The following ARHGEF3 variants were observed in gnomAD, a reference collection of about 807,000 sequenced individuals.
ARHGEF3 encodes 59.8 kDA protein.
A neutral mutation model predicts 63.2 loss-of-function variants in ARHGEF3; 28 were observed. That is an observed-to-expected ratio of 0.44 (90% confidence interval 0.33 to 0.61). ARHGEF3 has a LOEUF of 0.61. Ranked by LOEUF, ARHGEF3 falls within the 20% of genes least tolerant of loss-of-function variation. The probability of loss-of-function intolerance (pLI) is 0.03; values close to 1 mark genes in which losing one functional copy is unlikely to be tolerated. For missense variants in ARHGEF3, 533 were observed against 659.3 expected (o/e 0.81, Z 2.10); for synonymous variants, 266 against 254.2 (o/e 1.05, Z -0.44).
chr3:57,016,288 A>T (rs1702997403), intron 2 of ARHGEF3, among the ~76,000 whole-genome samples: 1 of 152,014 alleles, frequency 6.6e-6, no homozygotes, highest in Non-Finnish European at 1.5e-5. Flanking sequence ...CAGGCGCAGT[A>T]ATCCCAGCAC....
chr3:56,878,205 C>A (rs983860317), intron 4 of ARHGEF3, among the ~76,000 whole-genome samples: 1 of 152,158 alleles, frequency 6.6e-6, no homozygotes, highest in Non-Finnish European at 1.5e-5. Context: ...TGAGCTACAG[C>A]GTCTCTCGCC....
intron 3 of ARHGEF3, among the ~76,000 whole-genome samples, chr3:56,950,338 T>C (rs898532994): frequency 6.6e-5 from 10 of 151,994 alleles, no homozygotes; most frequent in African/African-American, 9.7e-5. Flanking sequence ...TCAGAGTGAA[T>C]AGGCAACCTA....
At position 56,796,360 on chromosome 3, in the gene ARHGEF3, T is replaced by C. The variant is rs116180273; in HGVS notation, c.96+5343A>G. Among the ~76,000 whole-genome samples, 941 of 152,288 alleles carry C rather than the reference T, an allele frequency of 6.2e-3. 1 individual carries two copies. The highest frequency in any genetic ancestry group is 0.01 in the Middle Eastern group (3 of 294). On this transcript the variant is annotated intron_variant, in intron 1 of 9. Transcript: ENST00000296315. ...GGTATTTGGGCCTTCCAGTGATTGG[T>C]TTACACAGAAGGCTTGTGGTTAATA...
intron 6 of ARHGEF3, among the ~76,000 whole-genome samples, chr3:56,747,184 C>T (rs1250851098): frequency 2.0e-5 from 3 of 152,048 alleles, no homozygotes; most frequent in Non-Finnish European, 4.4e-5. Context: ...ATTTCCACTT[C>T]CTCACCTTTT....
At chr3:56,866,711 A>G (rs2040259722) in intron 4 of ARHGEF3, among the ~76,000 whole-genome samples, 1 of 152,242 alleles carries the variant, frequency 6.6e-6, no homozygotes, top group Non-Finnish European at 1.5e-5. Context: ...CAAGCAATGT[A>G]TGTTGATTGA....
intron 3 of ARHGEF3, among the ~76,000 whole-genome samples, chr3:56,919,430 T>C (rs2042069516): frequency 6.6e-6 from 1 of 152,238 alleles, no homozygotes; most frequent in Non-Finnish European, 1.5e-5. Context: ...TACCACTTGC[T>C]TCTTTTTTCA....
intron 2 of ARHGEF3, among the ~76,000 whole-genome samples, chr3:56,961,389 T>C (rs1297151705): frequency 6.6e-6 from 1 of 152,122 alleles, no homozygotes; most frequent in Non-Finnish European, 1.5e-5. Flanking sequence ...GGTGGCCAAT[T>C]TGGGATTCAA....
At chr3:56,882,162 C>T (rs985497340) in intron 4 of ARHGEF3, 21 of 833,972 alleles carry the variant, frequency 2.5e-5, no homozygotes, top group Non-Finnish European at 3.8e-5. Context: ...AAAAAAATTT[C>T]CCCCAGGTCA....
intron 1 of ARHGEF3, among the ~76,000 whole-genome samples, chr3:57,046,011 A>C (rs1311316979): frequency 6.7e-6 from 1 of 150,164 alleles, no homozygotes; most frequent in Non-Finnish European, 1.5e-5. Flanking sequence ...TCATGCCCAG[A>C]GTGCTTCAAA....
chr3:56,751,233 C>T, intron 5 of ARHGEF3, 67 bp downstream of exon 5: 3 of 1,541,226 alleles, frequency 1.9e-6, no homozygotes, highest in Non-Finnish European at 2.7e-6. Flanking sequence ...TTAATAATCA[C>T]TCACTCATTA....
chr3:56,787,166 G>A (rs1200021548), intron 1 of ARHGEF3, among the ~76,000 whole-genome samples: 1 of 152,106 alleles, frequency 6.6e-6, no homozygotes, highest in Non-Finnish European at 1.5e-5. Flanking sequence ...CCCAAGCACT[G>A]CCAGGTTGGG....
chr3:56,885,890 C>T (rs1458970125), intron 3 of ARHGEF3, among the ~76,000 whole-genome samples: 5 of 152,158 alleles, frequency 3.3e-5, no homozygotes, highest in Non-Finnish European at 7.3e-5. Context: ...AAAAAGTAGC[C>T]TGAAGTTTAA....
At chr3:56,793,170 A>ATT (rs34139761) in intron 1 of ARHGEF3, among the ~76,000 whole-genome samples, 4,261 of 132,092 alleles carry the variant, frequency 0.032, 195 homozygotes, top group South Asian at 0.19. Context: ...GGCCCAGATA[A>ATT]TTTTTTTTTT....
At chr3:57,038,803 T>C (rs1174752110) in intron 1 of ARHGEF3, among the ~76,000 whole-genome samples, 1 of 152,146 alleles carries the variant, frequency 6.6e-6, no homozygotes, top group Non-Finnish European at 1.5e-5. Context: ...TATTTATAGG[T>C]GGTAAGTTCA....
Position 57,023,779 on chromosome 3 carries a change from T to C in ARHGEF3, c.62+11309A>G, listed in dbSNP as rs567125404. On this transcript the variant is annotated intron_variant, in intron 2 of 12. Coordinates refer to the ARHGEF3 transcript ENST00000338458. ...GATGCTTCCATTTTCTGTCTGCTAC[T>C]TCCCACGGGGAATGTTAGGTCCACC... Among the ~76,000 whole-genome samples the C allele has an allele frequency of 5.9e-5, 9 of 152,346 alleles. No homozygotes were observed. The South Asian group carries it at 1.9e-3, about 32-fold the overall frequency.
rs376259986 is a variant in ARHGEF3 at position 56,871,753 on chromosome 3, T to C, written c.192+10539A>G. Reference sequence around the variant, plus strand: ...ACTGAGTGTCTTAAGCAGGGATTCATAATCTAGAATTCTCAGACCCTCAAG... The same window carrying C: ...ACTGAGTGTCTTAAGCAGGGATTCACAATCTAGAATTCTCAGACCCTCAAG... On this transcript the variant is annotated intron_variant, in intron 4 of 12. Transcript: ENST00000338458. Among the ~76,000 whole-genome samples the C allele has an allele frequency of 4.5e-4, 68 of 152,306 alleles. No individual in the cohort carries two copies. The East Asian group carries it at 8.3e-3, about 19-fold the overall frequency.
At chr3:57,040,531 C>T (rs1171835434) in intron 1 of ARHGEF3, among the ~76,000 whole-genome samples, 1 of 137,674 alleles carries the variant, frequency 7.3e-6, no homozygotes, top group East Asian at 1.9e-4. Flanking sequence ...CCATCCCAGG[C>T]TATTAGGAGT....
chr3:56,935,063 C>G (rs550671924), intron 3 of ARHGEF3, among the ~76,000 whole-genome samples: 5 of 152,234 alleles, frequency 3.3e-5, no homozygotes, highest in African/African-American at 9.6e-5. Flanking sequence ...CTGGTGGAGC[C>G]TTGGAGAACC....
chr3:56,865,615 C>T (rs1381517643), intron 4 of ARHGEF3, among the ~76,000 whole-genome samples: 1 of 152,128 alleles, frequency 6.6e-6, no homozygotes, highest in East Asian at 1.9e-4. Flanking sequence ...CCTTTAATGA[C>T]ATTTAGGCAT....
Sources: allele counts gnomAD v4.1 joint callset (sites outside exome capture counted in the v4.1 genomes callset), GRCh38; gene constraint gnomAD v4.1.1; transcripts MANE v1.5; gene names NCBI Gene and HGNC (gene_info 2026-07-23, HGNC 2026-07-21).